SYN3: variants seen among roughly 807,000 people sequenced by gnomAD.
The protein encoded by SYN3 is synapsin III.
A neutral mutation model predicts 65.8 loss-of-function variants in SYN3; 35 were observed. The ratio of observed to expected loss-of-function variants is 0.53; its 90% CI spans 0.41 to 0.70. The LOEUF (loss-of-function observed/expected upper bound fraction) is 0.70. Among genes scored for constraint, SYN3 ranks in the 30% least tolerant of loss-of-function variants. The probability of loss-of-function intolerance (pLI) is 0.00; values close to 1 mark genes in which losing one functional copy is unlikely to be tolerated. For synonymous variants in SYN3, 270 were observed against 292.9 expected, an observed-to-expected ratio of 0.92 and a Z score of 0.80; for missense variants, 680 against 749.0, an observed-to-expected ratio of 0.91 and a Z score of 1.08.
At chr22:32,942,033 G>T (rs9621603) in intron 3 of SYN3, among the ~76,000 whole-genome samples, 1 of 152,178 alleles carries the variant, frequency 6.6e-6, no homozygotes, top group African/African-American at 2.4e-5. Context: ...GGGCATAGCC[G>T]AACAAAAGGC....
intron 4 of SYN3, among the ~76,000 whole-genome samples, chr22:32,904,629 C>A (rs1030371589): frequency 6.6e-6 from 1 of 151,954 alleles, no homozygotes; most frequent in African/African-American, 2.4e-5. Flanking sequence ...GTTTTTTCGA[C>A]CATCTTCCAA....
In SYN3 at chr22:33,014,823, C is replaced by T. The variant is rs145803940; in HGVS notation, c.-162-7999G>A. ...AGTCGAAGGACAAGAGTCGTAGAAG[C>T]GGTCGAGGCTTTTACGGCTCCGGCG... is the stretch of plus-strand genomic sequence containing the variant. On this transcript the variant is annotated intron_variant, in intron 1 of 13. Coordinates refer to ENST00000358763, the MANE Select transcript of SYN3 (RefSeq NM_003490.4). Among the ~76,000 whole-genome samples, 1,335 of 152,240 alleles carry T rather than the reference C, an allele frequency of 8.8e-3. 12 individuals are homozygous for T. Among genetic ancestry groups the T allele is most frequent in the Non-Finnish European group, 0.013 (893 of 68,008 alleles).
intron 4 of SYN3, among the ~76,000 whole-genome samples, chr22:32,889,919 T>C (rs918118368): frequency 2.0e-5 from 3 of 152,052 alleles, no homozygotes; most frequent in African/African-American, 7.2e-5. Flanking sequence ...CTCAGAATAT[T>C]TGTATTAATT....
At chr22:32,586,883 G>A (rs1424829572) in intron 7 of SYN3, among the ~76,000 whole-genome samples, 1 of 152,158 alleles carries the variant, frequency 6.6e-6, no homozygotes, top group Non-Finnish European at 1.5e-5. Context: ...TCATTAAGGT[G>A]TAGGGGACTG....
At chr22:32,525,459 G>A (rs1414708679) in intron 12 of SYN3, among the ~76,000 whole-genome samples, 1 of 152,162 alleles carries the variant, frequency 6.6e-6, no homozygotes, top group Non-Finnish European at 1.5e-5. Flanking sequence ...TGTAATCCCA[G>A]CACTTTGGGA....
intron 7 of SYN3, among the ~76,000 whole-genome samples, chr22:32,557,688 G>A (rs781731178): frequency 1.7e-4 from 26 of 152,232 alleles, no homozygotes; most frequent in Non-Finnish European, 3.5e-4. Flanking sequence ...CCTAAGAAGA[G>A]GGGAATTGGG....
chr22:32,929,376 T>C (rs987886761), intron 4 of SYN3, among the ~76,000 whole-genome samples: 1 of 152,178 alleles, frequency 6.6e-6, no homozygotes, highest in African/African-American at 2.4e-5. Flanking sequence ...CAATTTGATA[T>C]GTATAGTTTT....
chr22:32,771,885 G>T (rs898847603), intron 6 of SYN3, among the ~76,000 whole-genome samples: 2 of 152,134 alleles, frequency 1.3e-5, no homozygotes, highest in African/African-American at 4.8e-5. Context: ...TCTTCCAACG[G>T]TCAAAATTAG....
intron 12 of SYN3, 89 bp downstream of exon 12, chr22:32,527,829 G>C (rs2058004978): frequency 8.8e-7 from 1 of 1,130,820 alleles, no homozygotes; most frequent in African/African-American, 1.6e-5. Flanking sequence ...TTTTCCCAGA[G>C]CCCCTTGTGG....
At chr22:32,782,215 G>A (rs575713820) in intron 6 of SYN3, among the ~76,000 whole-genome samples, 22 of 151,606 alleles carry the variant, frequency 1.5e-4, no homozygotes, top group African/African-American at 4.6e-4. Flanking sequence ...ATTACAGGCG[G>A]GTGCCACCAC....
intron 3 of SYN3, among the ~76,000 whole-genome samples, chr22:32,957,207 AT>A (rs1276840974): frequency 6.6e-6 from 1 of 152,182 alleles, no homozygotes; most frequent in Non-Finnish European, 1.5e-5. Flanking sequence ...GGGCTCCAAG[AT>A]TAGCACAATC....
At chr22:32,769,826 C>A (rs1338960896) in intron 6 of SYN3, among the ~76,000 whole-genome samples, 1 of 152,132 alleles carries the variant, frequency 6.6e-6, no homozygotes, top group African/African-American at 2.4e-5. Flanking sequence ...CTCTCCCTGA[C>A]TTCTAAACAC....
intron 1 of SYN3, among the ~76,000 whole-genome samples, chr22:33,052,583 C>CGA (rs1556255520): frequency 0.06 from 6,425 of 107,818 alleles, 384 homozygotes; most frequent in African/African-American, 0.16. Flanking sequence ...AGAAGAGGAA[C>CGA]AAAAAAAAAA....
intron 4 of SYN3, among the ~76,000 whole-genome samples, chr22:32,873,634 C>G (rs935328334): frequency 6.6e-6 from 1 of 152,162 alleles, no homozygotes. Context: ...GGACGGAACA[C>G]CTGATGTAAA....
intron 8 of SYN3, among the ~76,000 whole-genome samples, chr22:32,539,031 G>A (rs1170091394): frequency 1.3e-5 from 2 of 152,164 alleles, no homozygotes; most frequent in Non-Finnish European, 2.9e-5. Flanking sequence ...CACTAATGAT[G>A]CATCTGGCCT....
chr22:32,757,472 T>C (rs1286744434), intron 6 of SYN3, among the ~76,000 whole-genome samples: 1 of 152,078 alleles, frequency 6.6e-6, no homozygotes, highest in African/African-American at 2.4e-5. Context: ...TAATTTTGTA[T>C]TTTTAGCAGA....
chr22:32,984,919 C>T (rs565949458), intron 2 of SYN3, among the ~76,000 whole-genome samples: 22 of 152,268 alleles, frequency 1.4e-4, no homozygotes, highest in Non-Finnish European at 2.9e-4. Context: ...GACACTTAGC[C>T]CTCTGGGTCT....
chr22:32,819,588 C>T (rs951684245), intron 6 of SYN3, among the ~76,000 whole-genome samples: 1 of 152,128 alleles, frequency 6.6e-6, no homozygotes, highest in Non-Finnish European at 1.5e-5. Flanking sequence ...GTGCTAAGGT[C>T]ACAAAAATGA....
At chr22:32,848,805 G>A (rs2048139582) in intron 6 of SYN3, among the ~76,000 whole-genome samples, 1 of 152,196 alleles carries the variant, frequency 6.6e-6, no homozygotes, top group Non-Finnish European at 1.5e-5. Flanking sequence ...GATTGGAACA[G>A]TTCTGTCTGG....
Sources: gnomAD v4.1 joint callset for allele counts (sites outside exome capture counted in the v4.1 genomes callset) on GRCh38, gnomAD v4.1.1 for gene constraint, MANE v1.5 for transcripts, NCBI Gene and HGNC (gene_info 2026-07-23, HGNC 2026-07-21) for gene names.